ASTN2: variants seen among roughly 807,000 people sequenced by gnomAD.
ASTN2 encodes astrotactin-2.
ASTN2 carries 54 observed loss-of-function variants against 139.8 expected under a neutral mutation model. The ratio of observed to expected loss-of-function variants is 0.39; its 90% CI spans 0.31 to 0.48. The LOEUF is 0.48. Ranked by LOEUF, ASTN2 falls within the 20% of genes least tolerant of loss-of-function variation. The pLI is 0.95. For missense variants in ASTN2, 1,565 were observed against 1,725.1 expected (o/e 0.91, Z 1.64); for synonymous variants, 756 against 719.5 (o/e 1.05, Z -0.81).
chr9:117,307,670 T>G (rs1159187382), intron 1 of ASTN2, among the ~76,000 whole-genome samples: 2 of 152,196 alleles, frequency 1.3e-5, no homozygotes, highest in Non-Finnish European at 2.9e-5. Flanking sequence ...ATGGCCACCT[T>G]CATGGGCAGA....
chr9:117,317,392 A>G (rs189838871), intron 1 of ASTN2, among the ~76,000 whole-genome samples: 1 of 152,120 alleles, frequency 6.6e-6, no homozygotes, highest in Non-Finnish European at 1.5e-5. Flanking sequence ...TCTAGATATT[A>G]TTCTGTGCTG....
At chr9:116,986,096 G>A (rs1836670269) in intron 7 of ASTN2, among the ~76,000 whole-genome samples, 1 of 152,104 alleles carries the variant, frequency 6.6e-6, no homozygotes, top group African/African-American at 2.4e-5. Context: ...CACTTGGTAT[G>A]TTGCAGTGTC....
At chr9:117,117,352 A>G (rs542688365) in intron 4 of ASTN2, among the ~76,000 whole-genome samples, 1 of 150,102 alleles carries the variant, frequency 6.7e-6, no homozygotes, top group African/African-American at 2.5e-5. Flanking sequence ...GGGAGATGGG[A>G]AAAAAGCAAA....
chr9:116,776,107 T>C (rs1274217105), intron 13 of ASTN2, among the ~76,000 whole-genome samples: 2 of 152,150 alleles, frequency 1.3e-5, no homozygotes, highest in East Asian at 1.9e-4. Flanking sequence ...CATCTATACA[T>C]GTATAATAAG....
rs552468929 is a variant in ASTN2, at chr9:116,631,966, T to C, written c.3073-11523A>G. Among the ~76,000 whole-genome samples, 3 of 151,418 alleles carry C rather than the reference T, an allele frequency of 2.0e-5. No individual in the cohort carries two copies. The East Asian group carries it at 5.9e-4, about 30-fold the overall frequency. ...CCGTCTCTACTAAAAACACAAAAAT[T>C]AGCTGGGCGTTGTGGCACACACCTG... On this transcript the variant is annotated intron_variant, in intron 17 of 22. Transcript: ENST00000313400.
chr9:117,220,969 AT>A (rs889924998), intron 2 of ASTN2, among the ~76,000 whole-genome samples: 1 of 152,022 alleles, frequency 6.6e-6, no homozygotes, highest in Non-Finnish European at 1.5e-5. Flanking sequence ...CTGTTTGACC[AT>A]TTTCCCATTC....
intron 2 of ASTN2, among the ~76,000 whole-genome samples, chr9:117,223,096 A>T (rs989755170): frequency 6.6e-6 from 1 of 152,166 alleles, no homozygotes; most frequent in Non-Finnish European, 1.5e-5. Context: ...AGGATCTAAA[A>T]TTTTTTTATG....
intron 10 of ASTN2, among the ~76,000 whole-genome samples, chr9:116,872,014 G>T (rs899604142): frequency 1.3e-5 from 2 of 152,136 alleles, no homozygotes; most frequent in African/African-American, 4.8e-5. Context: ...ACCCAGGCTG[G>T]AGTGCAGTGG....
chr9:116,651,755 T>A lies in ASTN2; in HGVS notation c.2845A>T (p.Met949Leu). ...ELGSKKELKS[M>L]PFITYLSGLL... is the part of the protein sequence containing the mutation. ...CCTGAGAGGTAGGTGATGAAGGGCATGGACTTGAGCTCCTTCTTGCTGCCC... is the reference window on the plus strand; with the variant it reads ...CCTGAGAGGTAGGTGATGAAGGGCAAGGACTTGAGCTCCTTCTTGCTGCCC... The change falls in exon 17 of 23, where the codon ATG becomes TTG. Residue 949 changes from methionine to leucine, a missense_variant. Physicochemically the swap from Met to Leu is conservative, Grantham distance 15. Around this residue, in one of 4 missense-constraint regions of ASTN2, gnomAD observed 48 missense variants for 90.7 expected, o/e 0.53. Transcript: ENST00000313400. 6.2e-7 allele frequency: 1 copy of A among 1,614,138 alleles called. No individual in the cohort carries two copies. The highest frequency in any genetic ancestry group is 8.5e-7 in the Non-Finnish European group (1 of 1,180,036).
intron 6 of ASTN2, among the ~76,000 whole-genome samples, chr9:117,028,696 G>T (rs1295828909): frequency 3.3e-5 from 5 of 152,164 alleles, no homozygotes; most frequent in African/African-American, 1.2e-4. Context: ...TCAGCTGTTT[G>T]CTCAGCTGTC....
chr9:117,164,606 G>A (rs1011156055), intron 3 of ASTN2, among the ~76,000 whole-genome samples: 7 of 152,096 alleles, frequency 4.6e-5, no homozygotes, highest in African/African-American at 7.2e-5. Flanking sequence ...TTATTCATGG[G>A]TAGATTTGAG....
At chr9:117,032,125 A>G (rs1588496469) in intron 6 of ASTN2, among the ~76,000 whole-genome samples, 1 of 152,152 alleles carries the variant, frequency 6.6e-6, no homozygotes, top group East Asian at 1.9e-4. Flanking sequence ...AAAGGCACAA[A>G]TATAATTCTA....
At chr9:116,917,803 G>T (rs1834493532) in intron 10 of ASTN2, among the ~76,000 whole-genome samples, 2 of 152,192 alleles carry the variant, frequency 1.3e-5, no homozygotes, top group Non-Finnish European at 1.5e-5. Context: ...CTGGTACTGT[G>T]TTAGGCCCTG....
intron 13 of ASTN2, 107 bp from the exon 14 acceptor site, chr9:116,733,630 G>A: frequency 6.9e-7 from 1 of 1,445,538 alleles, no homozygotes; most frequent in Non-Finnish European, 9.5e-7. Context: ...TCATGGTGGG[G>A]TGACTTTGCT....
rs75233258 is a variant in ASTN2 at position 117,366,175 on chromosome 9, C to T, written c.442+48322G>A. On this transcript the variant is annotated intron_variant, in intron 1 of 22. Coordinates refer to ENST00000313400, the MANE Select transcript of ASTN2 (RefSeq NM_001365068.1). ...ATACACAGATAAAGATTTCCAAAAC[C>T]GATGACTTTCAGGAGTCAAGCCAGT... is the stretch of plus-strand genomic sequence containing the variant. 9.9e-5 allele frequency among the ~76,000 whole-genome samples: 15 copies of T among 152,222 alleles called. No individual in the cohort carries two copies. In the East Asian group the frequency reaches 2.1e-3, roughly 22 times the overall value.
Position 116,703,568 on chromosome 9 carries a change from G to A in ASTN2, c.2806+22203C>T, listed in dbSNP as rs993191019. 5.1e-3 allele frequency among the ~76,000 whole-genome samples: 755 copies of A among 148,112 alleles called. 5 individuals carry two copies. Among genetic ancestry groups the A allele is most frequent in the African/African-American group, 0.018 (722 of 40,016 alleles). ...AGGAAGGGGAATATCACACTCTGGG[G>A]ACTGTGGTGGGGTGGGGGGAGTGGG... On this transcript the variant is annotated intron_variant, in intron 16 of 22. Coordinates refer to ENST00000313400, the MANE Select transcript of ASTN2 (RefSeq NM_001365068.1).
At chr9:117,406,857 AACACACACACACACACACACACAC>A (rs59125408) in intron 1 of ASTN2, among the ~76,000 whole-genome samples, 5 of 144,342 alleles carry the variant, frequency 3.5e-5, no homozygotes, top group East Asian at 2.1e-4. Flanking sequence ...ATTGTCCCCT[AACACACACACACACACACACACAC>A]ACACACACAC....
intron 11 of ASTN2, among the ~76,000 whole-genome samples, chr9:116,822,398 T>A (rs1174048433): frequency 1.3e-5 from 2 of 152,156 alleles, no homozygotes; most frequent in Non-Finnish European, 2.9e-5. Flanking sequence ...ATTTTCCATG[T>A]GAGTGAAGTG....
intron 19 of ASTN2, among the ~76,000 whole-genome samples, chr9:116,566,452 G>A (rs1853238700): frequency 6.6e-6 from 1 of 152,054 alleles, no homozygotes; most frequent in African/African-American, 2.4e-5. Flanking sequence ...TCCTCTGTAT[G>A]GGGCCCATAA....
Sources: gnomAD v4.1 joint callset for allele counts (sites outside exome capture counted in the v4.1 genomes callset) on GRCh38, gnomAD v4.1.1 for gene constraint, gnomAD v4.1.1 regional missense constraint, MANE v1.5 for transcripts, NCBI Gene and HGNC (gene_info 2026-07-23, HGNC 2026-07-21) for gene names.